NID2: variants seen among roughly 807,000 people sequenced by gnomAD.
NID2 encodes the protein nidogen 2, also known as nidogen-2.
NID2 carries 83 observed loss-of-function variants against 145.4 expected under a neutral mutation model. That is an observed-to-expected ratio of 0.57 (90% confidence interval 0.48 to 0.69). NID2 has a LOEUF of 0.69. Among genes scored for constraint, NID2 ranks in the 30% least tolerant of loss-of-function variants. The pLI, the probability that NID2 is intolerant of heterozygous loss-of-function variation, is 0.00. For synonymous variants in NID2, 739 were observed against 701.3 expected (o/e 1.05, Z -0.85); for missense variants, 1,807 against 1,765.7 (o/e 1.02, Z -0.42).
chr14:52,041,199 AACT>A (rs1348552065), intron 7 of NID2, among the ~76,000 whole-genome samples: 4 of 152,190 alleles, frequency 2.6e-5, no homozygotes, highest in Non-Finnish European at 5.9e-5. Context: ...AAAACAAATA[AACT>A]ACCACCTAAG....
rs765701985 is a variant in NID2 at position 52,005,482 on chromosome 14, G to A, written c.*4C>T. ...ACTCCAAGTCTTCCTTTACATTACT[G>A]TACTTACTTTCTTCCTGTGAGAGAA... On this transcript the variant is annotated 3_prime_UTR_variant, in exon 22 of 22. Transcript: ENST00000216286. 2 of 1,596,734 alleles carry A rather than the reference G, an allele frequency of 1.3e-6. No individual in the cohort carries two copies. Among genetic ancestry groups the A allele is most frequent in the East Asian group, 4.5e-5 (2 of 44,812 alleles).
At chr14:52,032,408 G>T (rs941623) in intron 9 of NID2, among the ~76,000 whole-genome samples, 1 of 152,082 alleles carries the variant, frequency 6.6e-6, no homozygotes, top group East Asian at 1.9e-4. Context: ...CATCCTTGGA[G>T]GTCCGTTCCT....
intron 20 of NID2, chr14:52,006,208 C>T (rs1028661303): frequency 1.3e-5 from 5 of 391,020 alleles, no homozygotes; most frequent in Non-Finnish European, 1.9e-5. Flanking sequence ...TGTAATATAG[C>T]TCATGGTATC....
At position 52,030,606 on chromosome 14, in the gene NID2, G is replaced by A. The variant is rs867640852; in HGVS notation, c.2258-916C>T. On this transcript the variant is annotated intron_variant, in intron 9 of 21. Coordinates refer to ENST00000216286, the MANE Select transcript of NID2 (RefSeq NM_007361.4). Reference sequence around the variant, plus strand: ...AGAAAGAAAGAAAGAAAGAAAGAAAGAGAAAGAAAAAGAAAGAAAGAGAAA... The same window carrying A: ...AGAAAGAAAGAAAGAAAGAAAGAAAAAGAAAGAAAAAGAAAGAAAGAGAAA... 1.4e-4 allele frequency among the ~76,000 whole-genome samples: 11 copies of A among 76,720 alleles called. 1 individual carries two copies. Among genetic ancestry groups the A allele is most frequent in the Admixed American group, 5.5e-4 (4 of 7,246 alleles). The allele number at this position is 76,720 out of a possible 152,430, so 50.3% of individuals were successfully genotyped here.
intron 2 of NID2, among the ~76,000 whole-genome samples, chr14:52,066,485 C>T (rs1893220898): frequency 6.6e-6 from 1 of 151,984 alleles, no homozygotes. Context: ...AGGATAAATG[C>T]TTGGGGGGAT....
chr14:52,053,795 C>A lies in NID2; in HGVS notation c.1213G>T (p.Ala405Ser). The change falls in exon 5 of 22, where the codon GCT becomes TCT. Residue 405 changes from alanine to serine, a missense_variant. Ala to Ser is a moderately conservative substitution (Grantham distance 99). Transcript: ENST00000216286. ...APPEVDRDSL[A>S]PSWETPPPYP... ...GGTGGTGGGGTTTCCCAGGAAGGAGCCAGTGAATCTCTGTCTACCTCTGGT... is the reference window on the plus strand; with the variant it reads ...GGTGGTGGGGTTTCCCAGGAAGGAGACAGTGAATCTCTGTCTACCTCTGGT... 6.2e-7 allele frequency: 1 copy of A among 1,614,174 alleles called. No individual in the cohort carries two copies.
At chr14:52,030,546 AAGAAAGAAAGAAAG>A (rs1891786676) in intron 9 of NID2, among the ~76,000 whole-genome samples, 29 of 62,378 alleles carry the variant, frequency 4.6e-4, no homozygotes, top group Non-Finnish European at 7.1e-4. Flanking sequence ...GAAAGAAAGA[AAGAAAGAAAGAAAG>A]AAAGAAAGGA....
rs202242119 is a variant in NID2, at chr14:52,005,812, A to G, written c.4042T>C (p.Phe1348Leu). 4 of 1,613,748 alleles carry G rather than the reference A, an allele frequency of 2.5e-6. No homozygotes were observed. The African/African-American group carries it at 5.3e-5, about 22-fold the overall frequency. ...TGTTCTGGGAGATACTCATCAGTAA[A>G]CTGGCCACTATGTTTATTTACTGAT... ...VVSVNKHSGQ[F>L]TDEYLPEQRS... The change falls in exon 21 of 22, where the codon TTT (phenylalanine) becomes CTT (leucine). Residue 1348 changes from phenylalanine (F) to leucine (L), a missense_variant. Transcript: ENST00000216286.
intron 2 of NID2, among the ~76,000 whole-genome samples, chr14:52,062,938 C>G (rs974889543): frequency 6.6e-6 from 1 of 152,156 alleles, no homozygotes; most frequent in Non-Finnish European, 1.5e-5. Flanking sequence ...TTCTTTGTCT[C>G]CACCAAAATA....
intron 5 of NID2, among the ~76,000 whole-genome samples, chr14:52,043,947 T>C (rs955996348): frequency 6.6e-6 from 1 of 152,128 alleles, no homozygotes; most frequent in African/African-American, 2.4e-5. Context: ...GAGCATGCTG[T>C]TGAGCAGGGA....
rs375366746 is a variant in NID2 at position 52,068,783 on chromosome 14, C to T, written c.212G>A (p.Arg71Gln). The stretch of plus-strand genomic sequence containing the variant: ...TGAACTTACGTAGAGGTTGCTGAAT[C>T]GGGCTTCGTAGAAGTGCAGGGGATT... ...LANPLHFYEA[R>Q]FSNLYVGTNG... The change falls in exon 1 of 22, where the codon CGA becomes CAA. Residue 71 changes from arginine to glutamine, a missense_variant. By Grantham distance (43) the Arg-to-Gln change is conservative. Coordinates refer to ENST00000216286, the MANE Select transcript of NID2 (RefSeq NM_007361.4). 15 of 1,604,820 alleles carry T rather than the reference C, an allele frequency of 9.3e-6. No individual in the cohort carries two copies. Among genetic ancestry groups the T allele is most frequent in the Non-Finnish European group, 1.3e-5 (15 of 1,179,396 alleles).
chr14:52,006,051 G>A, intron 20 of NID2: 1 of 560,992 alleles, frequency 1.8e-6, no homozygotes, highest in Non-Finnish European at 3.2e-6. Flanking sequence ...AGAATCACAT[G>A]ATGAGCTATC....
At chr14:52,028,281 T>G (rs3030369) in intron 11 of NID2, among the ~76,000 whole-genome samples, 4 of 77,992 alleles carry the variant, frequency 5.1e-5, no homozygotes, top group Non-Finnish European at 1.1e-4. Flanking sequence ...TTGTTTTTTT[T>G]TTTGTTTTTT....
At chr14:52,030,292 A>G (rs1483246105) in intron 9 of NID2, among the ~76,000 whole-genome samples, 2 of 152,094 alleles carry the variant, frequency 1.3e-5, no homozygotes, top group African/African-American at 4.8e-5. Flanking sequence ...CTTACCAAGG[A>G]TCCATCTACT....
chr14:52,029,334 G>A (rs563525374), intron 10 of NID2, among the ~76,000 whole-genome samples: 2 of 152,152 alleles, frequency 1.3e-5, no homozygotes, highest in South Asian at 4.1e-4. Flanking sequence ...TCACAGCCCC[G>A]GTGCAAAATC....
intron 5 of NID2, among the ~76,000 whole-genome samples, chr14:52,045,346 A>T (rs888918019): frequency 1.1e-4 from 17 of 152,198 alleles, no homozygotes; most frequent in Non-Finnish European, 1.8e-4. Context: ...GAGGGTTGGC[A>T]GGACAGACAG....
Position 52,042,990 on chromosome 14 carries a change from A to G in NID2, c.1430-59T>C, listed in dbSNP as rs1268177200. ...TAAATGATTCCAATGTCACTGCTGC[A>G]TCGGGGACACAACATCTGCTCCATA... On this transcript the variant is annotated intron_variant, in intron 5 of 21. Coordinates refer to ENST00000216286, the MANE Select transcript of NID2 (RefSeq NM_007361.4). 6 of 1,546,322 alleles carry G rather than the reference A, an allele frequency of 3.9e-6. No individual in the cohort carries two copies. The East Asian group carries it at 1.1e-4, about 29-fold the overall frequency.
chr14:52,019,108 G>C lies in NID2; in HGVS notation c.2981C>G (p.Thr994Ser). ...VDPDGHEVPGTQTPPGSTPPH... is the reference protein window; with the variant it reads ...VDPDGHEVPGSQTPPGSTPPH... Reference sequence around the variant, plus strand: ...CGGGGTGGAGCCAGGTGGAGTCTGGGTACCAGGAACTTCATGACCATCAGG... The same window carrying C: ...CGGGGTGGAGCCAGGTGGAGTCTGGCTACCAGGAACTTCATGACCATCAGG... The change falls in exon 14 of 22, where the codon ACC becomes AGC. Residue 994 changes from threonine to serine, a missense_variant. Transcript: ENST00000216286. 1 of 1,614,114 alleles carries C rather than the reference G, an allele frequency of 6.2e-7. No homozygotes were observed. The highest frequency in any genetic ancestry group is 1.1e-5 in the South Asian group (1 of 91,080).
At chr14:52,058,789 C>G (rs944266684) in intron 3 of NID2, among the ~76,000 whole-genome samples, 2 of 152,042 alleles carry the variant, frequency 1.3e-5, no homozygotes, top group African/African-American at 4.8e-5. Context: ...TCTTAGAAAT[C>G]TTTGTATTCC....
Sources: gnomAD v4.1 joint callset for allele counts (sites outside exome capture counted in the v4.1 genomes callset) on GRCh38, gnomAD v4.1.1 for gene constraint, MANE v1.5 for transcripts, NCBI Gene and HGNC (gene_info 2026-07-23, HGNC 2026-07-21) for gene names.